The following DCC variants were observed in gnomAD, a reference collection of about 807,000 sequenced individuals.
The protein encoded by DCC is netrin receptor DCC.
Under a neutral mutation model 172.5 loss-of-function variants are expected in DCC, and 58 were observed. That is an observed-to-expected ratio of 0.34 (90% CI 0.27 to 0.42). DCC has a LOEUF of 0.42. DCC is among the 10% of genes least tolerant of loss of function. The pLI, the probability that DCC is intolerant of heterozygous loss-of-function variation, is 1.00. For missense variants in DCC, 1,740 were observed against 1,791.0 expected (o/e 0.97, Z 0.51); for synonymous variants, 709 against 644.5 (o/e 1.10, Z -1.52).
intron 7 of DCC, among the ~76,000 whole-genome samples, chr18:53,087,988 C>G (rs2042941373): frequency 6.6e-6 from 1 of 152,098 alleles, no homozygotes; most frequent in Non-Finnish European, 1.5e-5. Context: ...CAGTACCATG[C>G]TGTTTTGGTT....
chr18:52,794,678 A>T (rs2037838794), intron 2 of DCC, among the ~76,000 whole-genome samples: 1 of 152,064 alleles, frequency 6.6e-6, no homozygotes, highest in Non-Finnish European at 1.5e-5. Flanking sequence ...ATGCTGAATA[A>T]ATGTGGTGAA....
At chr18:53,283,900 T>C (rs2056903200) in intron 12 of DCC, among the ~76,000 whole-genome samples, 1 of 63,250 alleles carries the variant, frequency 1.6e-5, no homozygotes, top group African/African-American at 6.4e-5. Context: ...GTTTAAGTTC[T>C]AGGGAGCTAA....
chr18:52,421,833 T>C (rs545053455), intron 1 of DCC, among the ~76,000 whole-genome samples: 19 of 152,288 alleles, frequency 1.2e-4, no homozygotes, highest in African/African-American at 3.8e-4. Flanking sequence ...GTGATCCTTG[T>C]AGTATGTCTT....
intron 5 of DCC, among the ~76,000 whole-genome samples, chr18:53,059,480 C>T (rs986079399): frequency 7.9e-5 from 12 of 152,188 alleles, no homozygotes; most frequent in Middle Eastern, 3.4e-3. Context: ...GGCAGAAGAG[C>T]TTTAACCTAA....
intron 1 of DCC, among the ~76,000 whole-genome samples, chr18:52,371,973 T>G (rs898234224): frequency 1.3e-5 from 2 of 152,228 alleles, no homozygotes; most frequent in Non-Finnish European, 2.9e-5. Context: ...ATTGTCTTAC[T>G]CTCTGATCAT....
At chr18:53,224,273 A>T (rs2055989802) in intron 12 of DCC, among the ~76,000 whole-genome samples, 1 of 152,158 alleles carries the variant, frequency 6.6e-6, no homozygotes. Context: ...GCACACTCAG[A>T]GTAACATATT....
intron 27 of DCC, among the ~76,000 whole-genome samples, chr18:53,506,270 CTAA>C (rs979279078): frequency 5.9e-5 from 9 of 152,024 alleles, no homozygotes; most frequent in African/African-American, 2.2e-4. Flanking sequence ...AATTTCAAGT[CTAA>C]TAATGAGTTT....
At chr18:52,868,692 T>C (rs975955359) in intron 2 of DCC, among the ~76,000 whole-genome samples, 17 of 152,222 alleles carry the variant, frequency 1.1e-4, no homozygotes, top group African/African-American at 3.6e-4. Flanking sequence ...CAAGTTTTGC[T>C]TAGGCCTGCT....
At chr18:52,541,873 G>GTGTGTATATATATATATATATA (rs1555695209) in intron 1 of DCC, among the ~76,000 whole-genome samples, 137 of 30,036 alleles carry the variant, frequency 4.6e-3, no homozygotes, top group African/African-American at 0.016. Context: ...ATGTGTGTGT[G>GTGTGTATATATATATATATATA]TGTATATATA....
intron 19 of DCC, among the ~76,000 whole-genome samples, chr18:53,407,345 T>G (rs1334114514): frequency 6.6e-6 from 1 of 151,704 alleles, no homozygotes; most frequent in African/African-American, 2.4e-5. Context: ...GAATATGATT[T>G]TATTAGATTT....
chr18:53,479,268 A>C (rs2045803853), intron 25 of DCC, among the ~76,000 whole-genome samples: 1 of 152,196 alleles, frequency 6.6e-6, no homozygotes, highest in Non-Finnish European at 1.5e-5. Context: ...TTATTCTTTG[A>C]GTCTTCGATG....
intron 5 of DCC, among the ~76,000 whole-genome samples, chr18:53,005,884 C>G (rs2041637247): frequency 6.6e-6 from 1 of 152,072 alleles, no homozygotes; most frequent in Non-Finnish European, 1.5e-5. Context: ...CTGGTCTTCC[C>G]TCATTAACAA....
At chr18:52,844,053 G>T (rs978023499) in intron 2 of DCC, among the ~76,000 whole-genome samples, 4 of 152,144 alleles carry the variant, frequency 2.6e-5, no homozygotes, top group Non-Finnish European at 4.4e-5. Flanking sequence ...CTAGGCAAGA[G>T]AATTGATCTC....
intron 14 of DCC, among the ~76,000 whole-genome samples, chr18:53,325,379 C>G (rs1316990145): frequency 6.6e-6 from 1 of 152,002 alleles, no homozygotes; most frequent in Non-Finnish European, 1.5e-5. Flanking sequence ...ATATCTCTTA[C>G]TGGAAGGAGA....
rs1298886908 is a variant in DCC at position 53,313,196 on chromosome 18, C to G, written c.2053+7477C>G. ...GGTGGTGGTTATTGTTGGTATAACT[C>G]TGGAAGATAACTCTTTTCTCTAATA... On this transcript the variant is annotated intron_variant, in intron 13 of 28. Coordinates refer to ENST00000442544, the MANE Select transcript of DCC (RefSeq NM_005215.4). Among the ~76,000 whole-genome samples, 6 of 152,154 alleles carry G rather than the reference C, an allele frequency of 3.9e-5. No homozygotes were observed. The East Asian group carries it at 1.2e-3, about 29-fold the overall frequency.
chr18:53,133,391 C>T lies in DCC; in HGVS notation c.1262-23965C>T, dbSNP rs577798184. Among the ~76,000 whole-genome samples, 7 of 152,216 alleles carry T rather than the reference C, an allele frequency of 4.6e-5. No homozygotes were observed. In the South Asian group the frequency reaches 1.0e-3, roughly 23 times the overall value. On this transcript the variant is annotated intron_variant, in intron 7 of 28. Coordinates refer to ENST00000442544, the MANE Select transcript of DCC (RefSeq NM_005215.4). ...GTACTGTTTTAGTTTTTTTCCTTTT[C>T]TTTTGCTGATAACCCCTTTTACAAG...
Position 52,804,896 on chromosome 18 carries a change from T to C in DCC, c.412+52522T>C, listed in dbSNP as rs1200452429. Among the ~76,000 whole-genome samples, 3 of 152,300 alleles carry C rather than the reference T, an allele frequency of 2.0e-5. No individual in the cohort carries two copies. In the South Asian group the frequency reaches 6.2e-4, roughly 32 times the overall value. ...TGCGCCTGGCCCTAAAATTTCGTTT[T>C]AAAAAAATATGCCTGGTGTTTCTTC... On this transcript the variant is annotated intron_variant, in intron 2 of 28. Transcript: ENST00000442544.
At chr18:52,686,536 C>T (rs148375172) in intron 1 of DCC, among the ~76,000 whole-genome samples, 5 of 152,250 alleles carry the variant, frequency 3.3e-5, no homozygotes, top group Admixed American at 6.5e-5. Context: ...TCAGCCCACA[C>T]TTCCCAAAAC....
chr18:53,213,051 A>G (rs1847988530), intron 11 of DCC, among the ~76,000 whole-genome samples: 2 of 152,122 alleles, frequency 1.3e-5, no homozygotes, highest in African/African-American at 2.4e-5. Context: ...ACACATATAT[A>G]TCTATCCTCT....
Sources: gnomAD v4.1 joint callset for allele counts (sites outside exome capture counted in the v4.1 genomes callset) on GRCh38, gnomAD v4.1.1 for gene constraint, MANE v1.5 for transcripts, NCBI Gene and HGNC (gene_info 2026-07-23, HGNC 2026-07-21) for gene names.